Variants in CSGALNACT1 observed in about 807,000 individuals in gnomAD.
CSGALNACT1 encodes beta4GalNAcT-1.
Under a neutral mutation model 51.0 loss-of-function variants are expected in CSGALNACT1, and 52 were observed. The observed-to-expected ratio is 1.02, with a 90% CI of 0.82 to 1.29. The LOEUF is 1.29. CSGALNACT1 is among the 50% of genes most tolerant of loss of function. The pLI is 0.00. For synonymous variants in CSGALNACT1, 341 were observed against 254.4 expected (o/e 1.34, Z -3.24); for missense variants, 935 against 679.2 (o/e 1.38, Z -4.19).
intron 1 of CSGALNACT1, among the ~76,000 whole-genome samples, chr8:19,716,852 A>G (rs1160338933): frequency 6.6e-6 from 1 of 152,066 alleles, no homozygotes; most frequent in Non-Finnish European, 1.5e-5. Flanking sequence ...ACCTCCAAAT[A>G]CACAAATAGC....
chr8:19,699,971 G>A (rs1310437203), intron 1 of CSGALNACT1, among the ~76,000 whole-genome samples: 1 of 151,958 alleles, frequency 6.6e-6, no homozygotes, highest in African/African-American at 2.4e-5. Flanking sequence ...ACTTAGCTGG[G>A]CATGGTGGCG....
At chr8:19,747,026 G>C (rs2064714893) in intron 1 of CSGALNACT1, among the ~76,000 whole-genome samples, 2 of 152,164 alleles carry the variant, frequency 1.3e-5, no homozygotes, top group African/African-American at 4.8e-5. Flanking sequence ...AGCTCCACAA[G>C]CCAAAGAAGC....
intron 3 of CSGALNACT1, among the ~76,000 whole-genome samples, chr8:19,542,517 G>T (rs553001173): frequency 2.0e-5 from 3 of 151,996 alleles, no homozygotes; most frequent in Middle Eastern, 3.2e-3. Flanking sequence ...CTGCTGCCCC[G>T]ACTCTTTTCA....
At chr8:19,702,291 G>A (rs1389458532) in intron 1 of CSGALNACT1, among the ~76,000 whole-genome samples, 2 of 152,096 alleles carry the variant, frequency 1.3e-5, no homozygotes, top group African/African-American at 2.4e-5. Context: ...TTGGGAGGCT[G>A]AGGCAGAAGG....
intron 3 of CSGALNACT1, among the ~76,000 whole-genome samples, chr8:19,536,263 C>A (rs984727983): frequency 1.3e-5 from 2 of 152,130 alleles, no homozygotes; most frequent in African/African-American, 4.8e-5. Flanking sequence ...GGAGGCTACA[C>A]ATGCGTAAAG....
intron 6 of CSGALNACT1, among the ~76,000 whole-genome samples, chr8:19,427,651 G>A (rs1241172619): frequency 6.6e-6 from 1 of 152,128 alleles, no homozygotes; most frequent in African/African-American, 2.4e-5. Flanking sequence ...AGCCAGGCAT[G>A]GTGGCGGGCA....
At chr8:19,649,144 T>G (rs1471745156) in intron 1 of CSGALNACT1, among the ~76,000 whole-genome samples, 1 of 152,216 alleles carries the variant, frequency 6.6e-6, no homozygotes, top group Non-Finnish European at 1.5e-5. Context: ...TTTGTTCCTC[T>G]CAGTGATTCT....
intron 1 of CSGALNACT1, among the ~76,000 whole-genome samples, chr8:19,665,866 T>C (rs1261828414): frequency 6.6e-6 from 1 of 152,224 alleles, no homozygotes; most frequent in African/African-American, 2.4e-5. Flanking sequence ...ACAGTTAACA[T>C]TTCAACTTCC....
intron 1 of CSGALNACT1, among the ~76,000 whole-genome samples, chr8:19,648,341 C>T (rs1346870144): frequency 6.6e-6 from 1 of 152,188 alleles, no homozygotes; most frequent in East Asian, 1.9e-4. Flanking sequence ...AACAGGCACT[C>T]TCATTCTCTG....
chr8:19,732,012 T>C (rs2063721015), intron 1 of CSGALNACT1, among the ~76,000 whole-genome samples: 1 of 152,186 alleles, frequency 6.6e-6, no homozygotes, highest in Non-Finnish European at 1.5e-5. Context: ...AACAAGACCA[T>C]TTCTAAAAAT....
At chr8:19,598,207 T>C (rs2049393867) in intron 2 of CSGALNACT1, among the ~76,000 whole-genome samples, 1 of 152,212 alleles carries the variant, frequency 6.6e-6, no homozygotes, top group African/African-American at 2.4e-5. Context: ...CAACAACACC[T>C]GATTAAGGGT....
At position 19,456,369 on chromosome 8, in the gene CSGALNACT1, T is replaced by C. The variant is rs183582782; in HGVS notation, c.851+2057A>G. Among the ~76,000 whole-genome samples, 619 of 152,314 alleles carry C rather than the reference T, an allele frequency of 4.1e-3. 4 individuals carry two copies. The highest frequency in any genetic ancestry group is 0.014 in the African/African-American group (588 of 41,580). ...CTCAGAGAATCAAAGCTCAGGACCC[T>C]GAACCCAGTAAGACATAGGCAGCTT... On this transcript the variant is annotated intron_variant, in intron 5 of 9. Transcript: ENST00000454498.
At chr8:19,552,217 A>G (rs142565176) in intron 3 of CSGALNACT1, among the ~76,000 whole-genome samples, 1 of 152,332 alleles carries the variant, frequency 6.6e-6, no homozygotes, top group East Asian at 1.9e-4. Flanking sequence ...GAATTATTAT[A>G]GACACAAGAT....
At chr8:19,689,420 C>G (rs2061165260) in intron 1 of CSGALNACT1, among the ~76,000 whole-genome samples, 1 of 152,230 alleles carries the variant, frequency 6.6e-6, no homozygotes, top group Non-Finnish European at 1.5e-5. Flanking sequence ...ACGGTCCCAG[C>G]TGACACTGCA....
chr8:19,712,676 T>G (rs1362607883), intron 1 of CSGALNACT1, among the ~76,000 whole-genome samples: 1 of 152,174 alleles, frequency 6.6e-6, no homozygotes, highest in Non-Finnish European at 1.5e-5. Flanking sequence ...CTGCGTTTCT[T>G]AAAATGCAGT....
chr8:19,681,630 AG>A (rs1243427206), intron 1 of CSGALNACT1, among the ~76,000 whole-genome samples: 1 of 152,196 alleles, frequency 6.6e-6, no homozygotes, highest in Non-Finnish European at 1.5e-5. Flanking sequence ...GGTACGTCCA[AG>A]GGTTCCTACG....
intron 3 of CSGALNACT1, among the ~76,000 whole-genome samples, chr8:19,570,966 A>G (rs1295853412): frequency 6.6e-6 from 1 of 152,078 alleles, no homozygotes; most frequent in South Asian, 2.1e-4. Flanking sequence ...ACGTACAGAG[A>G]TGCCTCTGAT....
intron 4 of CSGALNACT1, among the ~76,000 whole-genome samples, chr8:19,486,994 T>C (rs914694835): frequency 1.3e-5 from 2 of 152,204 alleles, no homozygotes; most frequent in African/African-American, 4.8e-5. Flanking sequence ...ACCTGTCCTC[T>C]TAGGAAGCCA....
chr8:19,479,443 T>C (rs1563634542), intron 4 of CSGALNACT1, among the ~76,000 whole-genome samples: 1 of 152,248 alleles, frequency 6.6e-6, no homozygotes, highest in Non-Finnish European at 1.5e-5. Flanking sequence ...TCAGTGTTAA[T>C]AATTTGACAC....
Sources: allele counts gnomAD v4.1 joint callset (sites outside exome capture counted in the v4.1 genomes callset), GRCh38; gene constraint gnomAD v4.1.1; transcripts MANE v1.5; gene names NCBI Gene and HGNC (gene_info 2026-07-23, HGNC 2026-07-21).